TRPM3: variants seen among roughly 807,000 people sequenced by gnomAD.
TRPM3 encodes transient receptor potential cation channel subfamily M member 3, also known as long transient receptor potential channel 3.
In TRPM3, 77 loss-of-function variants were observed where a neutral mutation model predicts 181.2. The observed-to-expected ratio is 0.42, with a 90% CI of 0.35 to 0.51. The LOEUF is 0.51. Ranked by LOEUF, TRPM3 falls within the 20% of genes least tolerant of loss-of-function variation. The pLI is 0.01. For missense variants in TRPM3, 1,759 were observed against 2,196.7 expected (o/e 0.80, Z 3.98); for synonymous variants, 745 against 796.4 (o/e 0.94, Z 1.09).
intron 1 of TRPM3, among the ~76,000 whole-genome samples, chr9:71,247,353 CAAAAAAA>C (rs34584730): frequency 2.4e-5 from 2 of 82,336 alleles, no homozygotes; most frequent in African/African-American, 5.7e-5. Context: ...GACTCTGTCT[CAAAAAAA>C]AAAAAAAAAA....
At chr9:70,792,801 T>A (rs2085841817) in intron 6 of TRPM3, among the ~76,000 whole-genome samples, 2 of 152,114 alleles carry the variant, frequency 1.3e-5, no homozygotes, top group Admixed American at 6.5e-5. Flanking sequence ...GCGTAAAGGC[T>A]ACATAGTAAA....
chr9:71,380,765 G>A (rs915437464), intron 1 of TRPM3, among the ~76,000 whole-genome samples: 3 of 151,962 alleles, frequency 2.0e-5, no homozygotes, highest in Middle Eastern at 3.2e-3. Context: ...TAAAGAAAAC[G>A]TATTTACTAA....
At chr9:71,236,237 C>A (rs563484662) in intron 1 of TRPM3, among the ~76,000 whole-genome samples, 7 of 152,132 alleles carry the variant, frequency 4.6e-5, no homozygotes, top group South Asian at 4.1e-4. Flanking sequence ...CACAACTTTC[C>A]CCATGTATGG....
chr9:71,328,637 A>C (rs2089896402), intron 1 of TRPM3, among the ~76,000 whole-genome samples: 1 of 152,204 alleles, frequency 6.6e-6, no homozygotes, highest in Non-Finnish European at 1.5e-5. Flanking sequence ...ACATAGCATA[A>C]GACAAGTCAT....
At chr9:71,369,939 TCTTACAG>T (rs2092458580) in intron 1 of TRPM3, among the ~76,000 whole-genome samples, 1 of 152,178 alleles carries the variant, frequency 6.6e-6, no homozygotes, top group Non-Finnish European at 1.5e-5. Context: ...TTTTGGTAAT[TCTTACAG>T]TAGTTCGAAC....
intron 1 of TRPM3, among the ~76,000 whole-genome samples, chr9:70,880,988 A>T (rs2095980740): frequency 1.3e-5 from 2 of 152,100 alleles, no homozygotes; most frequent in Admixed American, 1.3e-4. Context: ...GAATACTCCT[A>T]TCTCTTGTTA....
At chr9:70,970,451 CATTCAAGAT>C (rs775000137) in intron 1 of TRPM3, among the ~76,000 whole-genome samples, 1 of 152,184 alleles carries the variant, frequency 6.6e-6, no homozygotes, top group Non-Finnish European at 1.5e-5. Flanking sequence ...CATTTATTAT[CATTCAAGAT>C]ATTCCAAGGA....
At chr9:70,891,391 G>A (rs1401627831) in intron 1 of TRPM3, among the ~76,000 whole-genome samples, 2 of 152,040 alleles carry the variant, frequency 1.3e-5, no homozygotes, top group African/African-American at 2.4e-5. Flanking sequence ...CATGCAAAAT[G>A]AAAAAAGCAG....
chr9:70,907,334 C>T (rs184040605), intron 1 of TRPM3, among the ~76,000 whole-genome samples: 2 of 152,166 alleles, frequency 1.3e-5, no homozygotes, highest in Admixed American at 1.3e-4. Context: ...GAACTTTTCA[C>T]GGTCTATGTA....
chr9:70,800,625 A>G (rs1304236747), intron 6 of TRPM3, among the ~76,000 whole-genome samples: 1 of 152,170 alleles, frequency 6.6e-6, no homozygotes, highest in East Asian at 1.9e-4. Flanking sequence ...GACCTTCATG[A>G]TGACCCACTT....
chr9:71,393,519 C>T (rs955516243), intron 1 of TRPM3, among the ~76,000 whole-genome samples: 3 of 152,034 alleles, frequency 2.0e-5, no homozygotes, highest in African/African-American at 7.2e-5. Context: ...ATGAAAACAC[C>T]TGAAGGAAAA....
chr9:71,122,747 C>G (rs1490955871), upstream of TRPM3, among the ~76,000 whole-genome samples: 1 of 152,212 alleles, frequency 6.6e-6, no homozygotes, highest in Admixed American at 6.5e-5. Flanking sequence ...TCACAATGGT[C>G]TTGTGTCAAA....
chr9:70,640,386 C>A (rs1313338947), intron 10 of TRPM3, among the ~76,000 whole-genome samples, 174 bp downstream of exon 10: 1 of 152,100 alleles, frequency 6.6e-6, no homozygotes, highest in East Asian at 1.9e-4. Context: ...CACTAGATGG[C>A]GGTGCTTTCC....
intron 6 of TRPM3, among the ~76,000 whole-genome samples, chr9:70,819,231 A>G (rs560177957): frequency 3.9e-5 from 6 of 152,302 alleles, no homozygotes; most frequent in East Asian, 3.9e-4. Context: ...CATGCCATTA[A>G]TAAGCACCAG....
At chr9:71,432,209 C>A (rs2093965341) in intron 1 of TRPM3, among the ~76,000 whole-genome samples, 1 of 151,962 alleles carries the variant, frequency 6.6e-6, no homozygotes, top group Non-Finnish European at 1.5e-5. Context: ...GCCTAACAGT[C>A]TGTCTCCATC....
At chr9:70,681,006 T>C (rs534106413) in intron 9 of TRPM3, among the ~76,000 whole-genome samples, 54 of 152,320 alleles carry the variant, frequency 3.5e-4, no homozygotes, top group African/African-American at 1.3e-3. Flanking sequence ...TTAAATTTAA[T>C]GCTATATTAT....
intron 1 of TRPM3, among the ~76,000 whole-genome samples, chr9:71,304,365 C>T (rs946045116): frequency 4.6e-5 from 7 of 152,056 alleles, no homozygotes; most frequent in African/African-American, 1.7e-4. Context: ...CCACCTCATC[C>T]GACGGAAGGC....
At chr9:71,278,996 T>C (rs1391020776) in intron 1 of TRPM3, among the ~76,000 whole-genome samples, 2 of 140,908 alleles carry the variant, frequency 1.4e-5, no homozygotes, top group Non-Finnish European at 3.0e-5. Flanking sequence ...GTAAGACTCA[T>C]GTCAAGTTCT....
At chr9:70,991,331 C>G (rs992785904) in intron 1 of TRPM3, among the ~76,000 whole-genome samples, 2 of 152,136 alleles carry the variant, frequency 1.3e-5, no homozygotes, top group African/African-American at 4.8e-5. Flanking sequence ...GACTTTGTCA[C>G]CAAACAAAAT....
Sources: gnomAD v4.1 joint callset for allele counts (sites outside exome capture counted in the v4.1 genomes callset) on GRCh38, gnomAD v4.1.1 for gene constraint, MANE v1.5 for transcripts, NCBI Gene and HGNC (gene_info 2026-07-23, HGNC 2026-07-21) for gene names.